The following TMEFF1 variants were observed in gnomAD, a reference collection of about 807,000 sequenced individuals.
The protein encoded by TMEFF1 is transmembrane protein with EGF like and two follistatin like domains 1, also known as tomoregulin-1.
TMEFF1 carries 20 observed loss-of-function variants against 47.5 expected under a neutral mutation model. The ratio of observed to expected loss-of-function variants is 0.42; its 90% CI spans 0.30 to 0.61. TMEFF1 has a LOEUF of 0.61. TMEFF1 is among the 20% of genes least tolerant of loss of function. TMEFF1 has a pLI of 0.19. For missense variants in TMEFF1, 411 were observed against 471.1 expected (o/e 0.87, Z 1.18); for synonymous variants, 162 against 166.3 (o/e 0.97, Z 0.20).
intron 3 of TMEFF1, 64 bp from the exon 4 acceptor site, chr9:100,513,243 A>T: frequency 6.4e-7 from 1 of 1,570,766 alleles, no homozygotes; most frequent in African/African-American, 1.4e-5. Flanking sequence ...AGGAAATTTT[A>T]TTATTTGATA....
intron 1 of TMEFF1, among the ~76,000 whole-genome samples, chr9:100,474,008 G>C (rs544831479): frequency 3.2e-4 from 48 of 152,022 alleles, no homozygotes; most frequent in Admixed American, 6.5e-4. Context: ...TGGGGCCGGG[G>C]CCGGGGCCGG....
At chr9:100,474,347 G>A (rs1312376518) in intron 1 of TMEFF1, among the ~76,000 whole-genome samples, 3 of 151,916 alleles carry the variant, frequency 2.0e-5, no homozygotes, top group Non-Finnish European at 4.4e-5. Flanking sequence ...GCGCGCGCGT[G>A]TGTGTTCTTT....
intron 2 of TMEFF1, among the ~76,000 whole-genome samples, chr9:100,501,761 C>T (rs1216376242): frequency 6.6e-6 from 1 of 152,084 alleles, no homozygotes; most frequent in East Asian, 1.9e-4. Flanking sequence ...TCTCCTGCCT[C>T]AGCCTCCCTA....
At chr9:100,563,112 A>G (rs1306776906) in intron 8 of TMEFF1, among the ~76,000 whole-genome samples, 1 of 152,018 alleles carries the variant, frequency 6.6e-6, no homozygotes, top group African/African-American at 2.4e-5. Context: ...CACCATGCCC[A>G]GCCTAATTTT....
intron 1 of TMEFF1, among the ~76,000 whole-genome samples, chr9:100,483,500 A>AAAAAAAAC (rs1554682156): frequency 1.3e-5 from 2 of 150,612 alleles, no homozygotes; most frequent in East Asian, 3.9e-4. Flanking sequence ...AACATCTCAA[A>AAAAAAAAC]AAACAAACAA....
chr9:100,475,715 CTGTGTGTGTGTGTGTGTG>C (rs3055671), intron 1 of TMEFF1, among the ~76,000 whole-genome samples: 2 of 140,934 alleles, frequency 1.4e-5, no homozygotes, highest in East Asian at 2.1e-4. Flanking sequence ...TGCAGAGCGA[CTGTGTGTGTGTGTGTGTG>C]TGTGTGTGTG....
At chr9:100,510,464 C>T (rs1837941149) in intron 3 of TMEFF1, among the ~76,000 whole-genome samples, 1 of 152,002 alleles carries the variant, frequency 6.6e-6, no homozygotes, top group Admixed American at 6.6e-5. Context: ...GCCTGAGCAT[C>T]AGTGTTCATA....
intron 1 of TMEFF1, among the ~76,000 whole-genome samples, chr9:100,482,636 T>C (rs967428340): frequency 1.3e-5 from 2 of 152,214 alleles, no homozygotes; most frequent in Non-Finnish European, 2.9e-5. Context: ...TTTATTGATC[T>C]TTTTCTGCCT....
chr9:100,484,696 CT>C (rs762790286), intron 1 of TMEFF1, among the ~76,000 whole-genome samples: 399 of 138,496 alleles, frequency 2.9e-3, no homozygotes, highest in Admixed American at 2.4e-3. Flanking sequence ...CACTGACGTA[CT>C]TTTTTTTTTT....
chr9:100,574,517 A>G (rs1839311010), intron 9 of TMEFF1, among the ~76,000 whole-genome samples: 1 of 151,518 alleles, frequency 6.6e-6, no homozygotes, highest in Admixed American at 6.6e-5. Flanking sequence ...GACTACAGGC[A>G]TGCGCCACCA....
intron 4 of TMEFF1, among the ~76,000 whole-genome samples, chr9:100,514,769 C>T (rs960169161): frequency 2.7e-5 from 4 of 150,394 alleles, no homozygotes; most frequent in African/African-American, 4.9e-5. Context: ...CCGAGGCGGG[C>T]GGATCACCTG....
At chr9:100,478,014 G>C (rs963150714) in intron 1 of TMEFF1, among the ~76,000 whole-genome samples, 2 of 152,180 alleles carry the variant, frequency 1.3e-5, no homozygotes, top group Non-Finnish European at 2.9e-5. Flanking sequence ...AGGTAGCTTA[G>C]ATAATTTGTG....
chr9:100,509,141 A>G lies in TMEFF1; in HGVS notation c.436+7A>G, dbSNP rs1163151661. On this transcript the variant is annotated splice_region_variant and intron_variant, in intron 3 of 9. Transcript: ENST00000374879. ...AGAGGACCATGCTACTCTGGTATGT[A>G]TGATATTCTTCTGAATAAATTTTGG... 1 of 1,505,238 alleles carries G rather than the reference A, an allele frequency of 6.6e-7. No individual in the cohort carries two copies. The highest frequency in any genetic ancestry group is 8.9e-7 in the Non-Finnish European group (1 of 1,128,556). 93.2% of individuals were successfully genotyped at this position (1,505,238 alleles called of 1,614,324 possible).
At chr9:100,500,530 C>T (rs980588589) in intron 2 of TMEFF1, among the ~76,000 whole-genome samples, 1 of 152,032 alleles carries the variant, frequency 6.6e-6, no homozygotes, top group African/African-American at 2.4e-5. Context: ...TCCATTCTTC[C>T]CATCCAGTGA....
intron 5 of TMEFF1, among the ~76,000 whole-genome samples, chr9:100,542,749 G>A (rs1838657036): frequency 6.6e-6 from 1 of 151,864 alleles, no homozygotes. Flanking sequence ...TCCATTTTTA[G>A]TAATCCTGTT....
chr9:100,573,746 C>G (rs1839295423), intron 9 of TMEFF1, among the ~76,000 whole-genome samples: 1 of 152,148 alleles, frequency 6.6e-6, no homozygotes, highest in Non-Finnish European at 1.5e-5. Flanking sequence ...GATGATAAAT[C>G]TAGAAATGAT....
At chr9:100,568,858 C>T (rs552724106) in intron 8 of TMEFF1, among the ~76,000 whole-genome samples, 16 of 152,034 alleles carry the variant, frequency 1.1e-4, no homozygotes, top group Non-Finnish European at 1.6e-4. Flanking sequence ...TTTAACTTAG[C>T]GTAATATTTT....
chr9:100,488,900 CTATT>C (rs1045309843), intron 1 of TMEFF1, among the ~76,000 whole-genome samples: 3 of 152,072 alleles, frequency 2.0e-5, no homozygotes, highest in African/African-American at 7.2e-5. Flanking sequence ...AAAATTATTT[CTATT>C]TTTTATTGAG....
intron 8 of TMEFF1, among the ~76,000 whole-genome samples, chr9:100,572,010 AG>A (rs1463668146): frequency 2.0e-5 from 3 of 152,038 alleles, no homozygotes; most frequent in African/African-American, 4.8e-5. Flanking sequence ...AATACAAAGA[AG>A]CTTTGCTTAC....
Sources: gnomAD v4.1 joint callset for allele counts (sites outside exome capture counted in the v4.1 genomes callset) on GRCh38, gnomAD v4.1.1 for gene constraint, MANE v1.5 for transcripts, NCBI Gene and HGNC (gene_info 2026-07-23, HGNC 2026-07-21) for gene names.